Variants in UGT1A10 observed in about 807,000 individuals in gnomAD.
The protein encoded by UGT1A10 is UDP-glucuronosyltransferase 1A10.
Under a neutral mutation model 45.8 loss-of-function variants are expected in UGT1A10, and 49 were observed. That is an observed-to-expected ratio of 1.07 (90% CI 0.85 to 1.36). UGT1A10 has a LOEUF of 1.36. UGT1A10 is among the 40% of genes most tolerant of loss of function. UGT1A10 has a pLI of 0.00. For synonymous variants in UGT1A10, 284 were observed against 249.7 expected, an observed-to-expected ratio of 1.14 and a Z score of -1.29; for missense variants, 745 against 668.6, an observed-to-expected ratio of 1.11 and a Z score of -1.26.
At chr2:233,689,497 C>T (rs184690835) in intron 1 of UGT1A10, among the ~76,000 whole-genome samples, 101 of 152,280 alleles carry the variant, frequency 6.6e-4, no homozygotes, top group African/African-American at 2.2e-3. Flanking sequence ...CAAATCAATA[C>T]GCAGAGGTTA....
intron 1 of UGT1A10, among the ~76,000 whole-genome samples, chr2:233,707,429 T>C (rs773966479): frequency 7.2e-5 from 11 of 152,196 alleles, no homozygotes; most frequent in Non-Finnish European, 1.6e-4. Context: ...ATTTCTTTGC[T>C]TTTCTTTACA....
chr2:233,756,609 A>G (rs1242342387), intron 1 of UGT1A10, among the ~76,000 whole-genome samples: 4 of 152,200 alleles, frequency 2.6e-5, no homozygotes, highest in Admixed American at 2.0e-4. Flanking sequence ...CGAAACCATT[A>G]AGACTTGCAG....
chr2:233,658,240 A>G (rs947021396), intron 1 of UGT1A10, among the ~76,000 whole-genome samples: 1 of 152,046 alleles, frequency 6.6e-6, no homozygotes, highest in Non-Finnish European at 1.5e-5. Context: ...GCTGGCCTCA[A>G]ACTCCTGACC....
intron 1 of UGT1A10, among the ~76,000 whole-genome samples, chr2:233,683,645 T>TTA (rs1357955429): frequency 6.6e-6 from 1 of 152,182 alleles, no homozygotes; most frequent in Non-Finnish European, 1.5e-5. Context: ...AATTTTGCAC[T>TTA]TTATAAAAGT....
At chr2:233,697,699 A>G (rs183919880) in intron 1 of UGT1A10, among the ~76,000 whole-genome samples, 2 of 152,092 alleles carry the variant, frequency 1.3e-5, no homozygotes, top group Admixed American at 1.3e-4. Flanking sequence ...TTTTGGATGT[A>G]GGCATTTATT....
At chr2:233,731,419 A>G (rs768089383) in intron 1 of UGT1A10, among the ~76,000 whole-genome samples, 3 of 151,914 alleles carry the variant, frequency 2.0e-5, no homozygotes, top group Non-Finnish European at 4.4e-5. Flanking sequence ...ATTTTTCCTA[A>G]TGCCATCCCT....
chr2:233,757,450 T>C (rs1696530836), intron 1 of UGT1A10, among the ~76,000 whole-genome samples: 1 of 150,428 alleles, frequency 6.6e-6, no homozygotes, highest in African/African-American at 2.5e-5. Context: ...TACAGAAACA[T>C]GTCCAGAGCG....
At chr2:233,720,685 A>G (rs2076880777) in intron 1 of UGT1A10, among the ~76,000 whole-genome samples, 1 of 151,384 alleles carries the variant, frequency 6.6e-6, no homozygotes, top group Non-Finnish European at 1.5e-5. Flanking sequence ...TGGTTTCTAA[A>G]TCCATTAAGG....
intron 1 of UGT1A10, among the ~76,000 whole-genome samples, chr2:233,666,607 T>C (rs541591900): frequency 6.6e-6 from 1 of 152,186 alleles, no homozygotes; most frequent in Admixed American, 6.5e-5. Flanking sequence ...ATGTTTTTTT[T>C]AAAGTAAACT....
intron 1 of UGT1A10, chr2:233,760,559 C>A (rs776620061): frequency 1.2e-6 from 2 of 1,614,238 alleles, no homozygotes; most frequent in Admixed American, 3.3e-5. Flanking sequence ...GTGAAAGAGT[C>A]TTTTGTTAGT....
intron 1 of UGT1A10, chr2:233,721,910 T>G: frequency 2.3e-6 from 1 of 439,350 alleles, no homozygotes; most frequent in Admixed American, 2.5e-5. Context: ...TGGTGCACAC[T>G]GCTTCCATAA....
chr2:233,648,857 A>G, intron 1 of UGT1A10: 1 of 1,221,158 alleles, frequency 8.2e-7, no homozygotes, highest in Non-Finnish European at 1.2e-6. Flanking sequence ...AATGCCTTAA[A>G]CATAGCCTCT....
At chr2:233,697,826 A>G (rs2125573469) in intron 1 of UGT1A10, among the ~76,000 whole-genome samples, 1 of 152,286 alleles carries the variant, frequency 6.6e-6, no homozygotes, top group South Asian at 2.1e-4. Context: ...TTTCAAGAAA[A>G]TCTAATTAAG....
chr2:233,656,212 G>A (rs1426534431), intron 1 of UGT1A10, among the ~76,000 whole-genome samples: 1 of 152,180 alleles, frequency 6.6e-6, no homozygotes, highest in Non-Finnish European at 1.5e-5. Context: ...ACCCTGGGGT[G>A]GAGACATCAT....
In UGT1A10 at chr2:233,725,264, G is replaced by GGCA. The variant is rs1216362118; in HGVS notation, c.856-41769_856-41768insCAG. Among the ~76,000 whole-genome samples the GGCA allele has an allele frequency of 1.9e-4, 11 of 58,536 alleles. 1 individual carries two copies. The highest frequency in any genetic ancestry group is 1.2e-3 in the African/African-American group (9 of 7,624). 38.4% of individuals were successfully genotyped at this position (58,536 alleles called of 152,430 possible). On this transcript the variant is annotated intron_variant, in intron 1 of 4. Transcript: ENST00000344644. ...CAGAGGCAGAGGAGGCAGAGGCAGA[G>GGCA]GAGGCAGAGGCAGAGGCAGAGGCAG...
intron 1 of UGT1A10, chr2:233,693,171 T>C (rs759983270): frequency 3.6e-5 from 58 of 1,613,992 alleles, no homozygotes; most frequent in Non-Finnish European, 4.7e-5. Flanking sequence ...GGTCATGAGA[T>C]TGTAGTGGTG....
At chr2:233,692,695 T>A in intron 1 of UGT1A10, 1 of 372,950 alleles carries the variant, frequency 2.7e-6, no homozygotes, top group Non-Finnish European at 3.7e-6. Context: ...CTCAGGGGTC[T>A]CTCCAAGTCA....
At chr2:233,705,779 T>C (rs1396486020) in intron 1 of UGT1A10, among the ~76,000 whole-genome samples, 2 of 152,210 alleles carry the variant, frequency 1.3e-5, no homozygotes, top group African/African-American at 2.4e-5. Context: ...AGTGTCTTAG[T>C]GCAAAATGCC....
At chr2:233,729,013 C>A in intron 1 of UGT1A10, 1 of 1,586,512 alleles carries the variant, frequency 6.3e-7, no homozygotes, top group Non-Finnish European at 8.6e-7. Context: ...CTCTGTCTTC[C>A]AATTACACGT....
Sources: gnomAD v4.1 joint callset for allele counts (sites outside exome capture counted in the v4.1 genomes callset) on GRCh38, gnomAD v4.1.1 for gene constraint, MANE v1.5 for transcripts, NCBI Gene and HGNC (gene_info 2026-07-23, HGNC 2026-07-21) for gene names.